The following ME1 variants were observed in gnomAD, a reference collection of about 807,000 sequenced individuals.
The protein encoded by ME1 is NADP-dependent malic enzyme.
A neutral mutation model predicts 66.4 loss-of-function variants in ME1; 74 were observed. The ratio of observed to expected loss-of-function variants is 1.11; its 90% CI spans 0.92 to 1.35. ME1 has a LOEUF of 1.35. Ranked by LOEUF, ME1 falls within the 40% of genes most tolerant of loss-of-function variation. The pLI, the probability that ME1 is intolerant of heterozygous loss-of-function variation, is 0.00. For synonymous variants in ME1, 251 were observed against 235.6 expected (o/e 1.07, Z -0.60); for missense variants, 750 against 694.1 (o/e 1.08, Z -0.90).
chr6:83,231,093 G>A (rs1351348745), intron 9 of ME1, among the ~76,000 whole-genome samples: 1 of 152,082 alleles, frequency 6.6e-6, no homozygotes, highest in African/African-American at 2.4e-5. Context: ...TATAGAATAA[G>A]ATAAATTGGA....
intron 6 of ME1, among the ~76,000 whole-genome samples, chr6:83,297,745 C>G (rs1352423084): frequency 6.6e-6 from 1 of 152,106 alleles, no homozygotes; most frequent in African/African-American, 2.4e-5. Flanking sequence ...TCTCCCTGCC[C>G]CGACACCCGA....
chr6:83,424,601 A>C (rs2127697988), intron 1 of ME1, among the ~76,000 whole-genome samples: 1 of 152,358 alleles, frequency 6.6e-6, no homozygotes. Context: ...CTGACTGATT[A>C]GATCATTACT....
intron 3 of ME1, among the ~76,000 whole-genome samples, chr6:83,365,058 T>A (rs1769077359): frequency 6.6e-6 from 1 of 152,164 alleles, no homozygotes; most frequent in South Asian, 2.1e-4. Flanking sequence ...TCACCTCACT[T>A]GTCCTCACAC....
chr6:83,307,665 GA>G (rs1767852063), intron 6 of ME1, among the ~76,000 whole-genome samples: 1 of 151,980 alleles, frequency 6.6e-6, no homozygotes, highest in Non-Finnish European at 1.5e-5. Context: ...AGAACAGGTA[GA>G]AAAAGGTAGT....
chr6:83,428,670 T>C (rs1770419442), intron 1 of ME1, among the ~76,000 whole-genome samples: 1 of 152,180 alleles, frequency 6.6e-6, no homozygotes, highest in Non-Finnish European at 1.5e-5. Context: ...GTCCCATAGC[T>C]GTAGTTTCAA....
In ME1 at chr6:83,227,355, G is replaced by T; in HGVS notation, c.1255C>A (p.Gln419Lys). ...TTTACCTTGGTTATTTTGTAGCACT[G>T]CTCTGCAGAACATTCTGCTTTGCTA... ...PTSKAECSAE[Q>K]CYKITKGRAI... Residue 419 changes from glutamine (Q) to lysine (K), a missense_variant, in exon 11 of 14, where the codon CAG (glutamine) becomes AAG (lysine). Transcript: ENST00000369705. 1 of 1,579,944 alleles carries T rather than the reference G, an allele frequency of 6.3e-7. No individual in the cohort carries two copies. The highest frequency in any genetic ancestry group is 8.6e-7 in the Non-Finnish European group (1 of 1,159,348).
chr6:83,360,042 T>C (rs1768979240), intron 3 of ME1, among the ~76,000 whole-genome samples: 5 of 151,654 alleles, frequency 3.3e-5, no homozygotes, highest in Admixed American at 2.6e-4. Context: ...GCGTTCCTAC[T>C]TAATCTACAC....
At chr6:83,262,311 C>T (rs1156388933) in intron 6 of ME1, among the ~76,000 whole-genome samples, 1 of 152,088 alleles carries the variant, frequency 6.6e-6, no homozygotes, top group Non-Finnish European at 1.5e-5. Context: ...TTCAACATAC[C>T]ACTGTATTCT....
intron 12 of ME1, among the ~76,000 whole-genome samples, chr6:83,217,173 A>G (rs947972909): frequency 2.0e-5 from 3 of 152,154 alleles, no homozygotes; most frequent in Admixed American, 2.0e-4. Flanking sequence ...TCCAAATCAA[A>G]CAGTGTTAAA....
chr6:83,371,275 T>C (rs1323036622), intron 3 of ME1, among the ~76,000 whole-genome samples: 1 of 152,198 alleles, frequency 6.6e-6, no homozygotes, highest in Non-Finnish European at 1.5e-5. Context: ...TCCTACAGCC[T>C]TGACTTAGCC....
At chr6:83,371,473 T>C (rs557630345) in intron 3 of ME1, among the ~76,000 whole-genome samples, 28 of 152,316 alleles carry the variant, frequency 1.8e-4, no homozygotes, top group Non-Finnish European at 3.5e-4. Context: ...AATAGGCCTA[T>C]ATAAACCTAA....
intron 5 of ME1, among the ~76,000 whole-genome samples, chr6:83,327,866 T>C (rs536614650): frequency 8.6e-4 from 131 of 152,264 alleles, no homozygotes; most frequent in African/African-American, 3.1e-3. Flanking sequence ...CTCCCCCGGA[T>C]GCCCAGCTTT....
intron 13 of ME1, among the ~76,000 whole-genome samples, chr6:83,215,384 G>C (rs796141856): frequency 9.9e-5 from 15 of 152,276 alleles, no homozygotes; most frequent in African/African-American, 3.6e-4. Context: ...CAATGCCTGG[G>C]ACAGCCGCAT....
chr6:83,389,680 A>T (rs891993518), intron 3 of ME1, among the ~76,000 whole-genome samples: 1 of 152,192 alleles, frequency 6.6e-6, no homozygotes, highest in African/African-American at 2.4e-5. Flanking sequence ...TATCCATTAC[A>T]TATACCTGCA....
At chr6:83,219,974 C>T (rs762438321) in intron 12 of ME1, among the ~76,000 whole-genome samples, 26 of 152,234 alleles carry the variant, frequency 1.7e-4, no homozygotes, top group Admixed American at 4.6e-4. Flanking sequence ...TCTGGCTCTA[C>T]AGTGTATAGA....
At chr6:83,262,605 A>G (rs991609933) in intron 6 of ME1, among the ~76,000 whole-genome samples, 2 of 152,232 alleles carry the variant, frequency 1.3e-5, no homozygotes, top group Non-Finnish European at 2.9e-5. Flanking sequence ...TCACATATTC[A>G]GCAGAAAAGA....
intron 5 of ME1, 98 bp from the exon 6 acceptor site, chr6:83,315,511 AT>A: frequency 1.4e-6 from 1 of 703,534 alleles, no homozygotes; most frequent in South Asian, 1.8e-5. Flanking sequence ...AAAAATAGAA[AT>A]AAAATCTTAC....
Position 83,227,460 on chromosome 6 carries a change from C to T in ME1, c.1150G>A (p.Gly384Ser). The change falls in exon 11 of 14, where the codon GGT (glycine) becomes AGT (serine). Residue 384 changes from glycine to serine, a missense_variant. By Grantham distance (56) the Gly-to-Ser change is moderately conservative. Transcript: ENST00000369705. ...TALIGVAAIG[G>S]AFSEQILKDM... ...TTGAGAATTTGTTCTGAGAATGCAC[C>T]ACCAATTGCAGCAACTCCTAATGAA... The T allele has an allele frequency of 6.3e-7, 1 of 1,598,752 alleles. No homozygotes were observed. Among genetic ancestry groups the T allele is most frequent in the Non-Finnish European group, 8.5e-7 (1 of 1,170,814 alleles).
At chr6:83,427,436 G>C (rs1194818304) in intron 1 of ME1, among the ~76,000 whole-genome samples, 1 of 152,120 alleles carries the variant, frequency 6.6e-6, no homozygotes, top group African/African-American at 2.4e-5. Flanking sequence ...AGATTATCAA[G>C]CTTAAACCAC....
Sources: allele counts gnomAD v4.1 joint callset (sites outside exome capture counted in the v4.1 genomes callset), GRCh38; gene constraint gnomAD v4.1.1; transcripts MANE v1.5; gene names NCBI Gene and HGNC (gene_info 2026-07-23, HGNC 2026-07-21).